Variants in SNED1 observed in about 807,000 individuals in gnomAD.
SNED1 encodes sushi, nidogen and EGF like domains 1, also known as sushi, nidogen and EGF-like domain-containing protein 1.
Under a neutral mutation model 166.7 loss-of-function variants are expected in SNED1, and 81 were observed. That is an observed-to-expected ratio of 0.49 (90% confidence interval 0.41 to 0.58). The LOEUF (loss-of-function observed/expected upper bound fraction) is 0.58, where lower values mean the gene tolerates loss of function less well. Among genes scored for constraint, SNED1 ranks in the 20% least tolerant of loss-of-function variants. SNED1 has a pLI of 0.00. For synonymous variants in SNED1, 762 were observed against 822.0 expected, an observed-to-expected ratio of 0.93 and a Z score of 1.25; for missense variants, 1,604 against 2,000.2, an observed-to-expected ratio of 0.80 and a Z score of 3.78.
chr2:241,050,088 A>C (rs754946561), intron 12 of SNED1, 155 bp downstream of exon 12: 3 of 701,118 alleles, frequency 4.3e-6, no homozygotes, highest in Non-Finnish European at 7.9e-6. Flanking sequence ...GTGTATTTAG[A>C]GGTGAGCACC....
intron 27 of SNED1, chr2:241,074,489 CT>C (rs1321937981): frequency 6.6e-6 from 1 of 152,182 alleles, no homozygotes; most frequent in East Asian, 1.9e-4. Context: ...ATGTCAGCCC[CT>C]TTAAATACCA....
In SNED1 at chr2:241,034,647, C is replaced by A; in HGVS notation, c.722C>A (p.Thr241Asn). The A allele has an allele frequency of 1.2e-6, 2 of 1,611,552 alleles. No individual in the cohort carries two copies. Among genetic ancestry groups the A allele is most frequent in the Non-Finnish European group, 1.7e-6 (2 of 1,179,370 alleles). The change falls in exon 4 of 32, where the codon ACC becomes AAC. Residue 241 changes from threonine to asparagine, a missense_variant. Thr to Asn is a moderately conservative substitution (Grantham distance 65). Coordinates refer to ENST00000310397, the MANE Select transcript of SNED1 (RefSeq NM_001080437.3). ...ACAGCAGACATGGCCGAGGTGGAGA[C>A]CACCACCAACGTGGGTGTGCCCGGG... ...SRTADMAEVE[T>N]TTNVGVPGRW...
chr2:241,032,665 G>A (rs976823990), intron 2 of SNED1, among the ~76,000 whole-genome samples: 1 of 152,276 alleles, frequency 6.6e-6, no homozygotes, highest in Admixed American at 6.5e-5. Context: ...AAAAGTGCTG[G>A]TTTCCTTGCA....
intron 2 of SNED1, among the ~76,000 whole-genome samples, chr2:241,030,855 C>T (rs2061145742): frequency 6.6e-6 from 1 of 152,184 alleles, no homozygotes. Flanking sequence ...TTGGAATGGC[C>T]CAGTACTCAA....
At position 240,998,678 on chromosome 2, in the gene SNED1, C is replaced by G. The variant is rs561513457; in HGVS notation, c.-160C>G. Among the ~76,000 whole-genome samples the G allele has an allele frequency of 9.4e-5, 14 of 149,384 alleles. No individual in the cohort carries two copies. The highest frequency in any genetic ancestry group is 3.0e-5 in the Non-Finnish European group (2 of 67,096). ...GCGGAGCTGCGGCGAGAGCGCGGCC[C>G]GGCCGAACGGGCGCGGGACGCGGAG... On this transcript the variant is annotated 5_prime_UTR_variant, in exon 1 of 32. Transcript: ENST00000310397.
rs1298618724 is a variant in SNED1 at position 241,072,337 on chromosome 2, AGGTGCCTTG to A, written c.3817+462_3817+470del. ...CGGTGGCAGCAAGGCTGATGGGCCC[AGGTGCCTTG>A]GGCCCTTCCCACCGGGTTTACTGGG... On this transcript the variant is annotated intron_variant, in intron 26 of 31. Coordinates refer to ENST00000310397, the MANE Select transcript of SNED1 (RefSeq NM_001080437.3). 1.7e-5 allele frequency: 7 copies of A among 404,390 alleles called. No individual in the cohort carries two copies. In the East Asian group the frequency reaches 2.8e-4, roughly 16 times the overall value. 25.1% of individuals were successfully genotyped at this position (404,390 alleles called of 1,614,324 possible).
chr2:241,001,547 G>A (rs1397403051), intron 1 of SNED1, among the ~76,000 whole-genome samples: 1 of 152,270 alleles, frequency 6.6e-6, no homozygotes, highest in South Asian at 2.1e-4. Context: ...CAGCCGAGGA[G>A]CGTGGCGCGC....
rs10664618 is a variant in SNED1, at chr2:241,024,235, C to CTTT, written c.214-6022_214-6020dup. ...GTGTAGTTGTATTTCACTCTACTAC[C>CTTT]TTTTTTTTTTTTTTTTTTTTTTTTT... is the stretch of plus-strand genomic sequence containing the variant. On this transcript the variant is annotated intron_variant, in intron 1 of 31. Transcript: ENST00000310397. Among the ~76,000 whole-genome samples, 391 of 46,948 alleles carry CTTT rather than the reference C, an allele frequency of 8.3e-3. 97 individuals carry two copies. The highest frequency in any genetic ancestry group is 0.013 in the Admixed American group (37 of 2,898). The allele number at this position is 46,948 out of a possible 152,430, so 30.8% of individuals were successfully genotyped here.
At chr2:241,009,096 C>T (rs535229107) in intron 1 of SNED1, among the ~76,000 whole-genome samples, 33 of 152,298 alleles carry the variant, frequency 2.2e-4, no homozygotes, top group African/African-American at 7.9e-4. Flanking sequence ...GAGTAAGACT[C>T]TCAGGTATGT....
At chr2:241,020,397 A>C (rs749662103) in intron 1 of SNED1, among the ~76,000 whole-genome samples, 11 of 152,316 alleles carry the variant, frequency 7.2e-5, no homozygotes, top group Non-Finnish European at 1.3e-4. Context: ...GCTTAGCCGG[A>C]CCATCCTTGA....
intron 3 of SNED1, 60 bp from the exon 4 acceptor site, chr2:241,034,508 C>G (rs2061284856): frequency 6.8e-7 from 1 of 1,472,774 alleles, no homozygotes; most frequent in Non-Finnish European, 9.2e-7. Flanking sequence ...GCAGGGTAAC[C>G]CCCACCTCTG....
At chr2:241,025,874 T>C (rs894337996) in intron 1 of SNED1, among the ~76,000 whole-genome samples, 1 of 152,138 alleles carries the variant, frequency 6.6e-6, no homozygotes. Context: ...ACCTGTTTTT[T>C]TCTTTTTAAG....
intron 16 of SNED1, among the ~76,000 whole-genome samples, chr2:241,057,412 TGCC>T (rs2062089553): frequency 8.5e-5 from 11 of 129,316 alleles, no homozygotes; most frequent in East Asian, 2.6e-4. Context: ...TATATATATA[TGCC>T]ATACGCAGTG....
rs751153981 is a variant in SNED1, at chr2:241,036,852, A to G, written c.868A>G (p.Thr290Ala). ...NGGKCIDDCV[T>A]GNPSYTCSCL... ...CGGCAAGTGCATCGACGACTGCGTC[A>G]CGGGCAACCCCTCCTACACCTGCTC... is the stretch of plus-strand genomic sequence containing the variant. Residue 290 changes from threonine to alanine, a missense_variant, in exon 5 of 32, where the codon ACG (threonine) becomes GCG (alanine). By Grantham distance (58) the Thr-to-Ala change is moderately conservative. Coordinates refer to ENST00000310397, the MANE Select transcript of SNED1 (RefSeq NM_001080437.3). The G allele has an allele frequency of 6.2e-7, 1 of 1,611,688 alleles. No homozygotes were observed. The highest frequency in any genetic ancestry group is 1.1e-5 in the South Asian group (1 of 91,072).
rs1482114138 is a variant in SNED1, at chr2:241,064,178, C to T, written c.2599+53C>T. On this transcript the variant is annotated intron_variant, in intron 19 of 31. Coordinates refer to ENST00000310397, the MANE Select transcript of SNED1 (RefSeq NM_001080437.3). This position sits in a 1 kb window ranked among gnomAD's most constrained non-coding sequence, Gnocchi z 7.0. ...GCCCTCTGCCCGCCTGCTCCCCGCCCTCTGCCCGCCTGCTGCCCGCCCTCT... is the reference window on the plus strand; with the variant it reads ...GCCCTCTGCCCGCCTGCTCCCCGCCTTCTGCCCGCCTGCTGCCCGCCCTCT... The T allele has an allele frequency of 3.2e-6, 4 of 1,267,836 alleles. No homozygotes were observed. In the East Asian group the frequency reaches 7.9e-5, roughly 25 times the overall value. The allele number at this position is 1,267,836 out of a possible 1,614,324, so 78.5% of individuals were successfully genotyped here. A position where few individuals can be genotyped will look rare whatever the true frequency, so the allele number is the denominator to read the frequency against.
At chr2:241,081,375 G>A (rs941957903) in intron 27 of SNED1, among the ~76,000 whole-genome samples, 1 of 152,134 alleles carries the variant, frequency 6.6e-6, no homozygotes, top group Non-Finnish European at 1.5e-5. Context: ...TGAAGGCCCC[G>A]CTCCTCCCTC....
Position 241,037,811 on chromosome 2 carries a change from C to T in SNED1, c.1045+458C>T, listed in dbSNP as rs149316710. Among the ~76,000 whole-genome samples, 732 of 152,338 alleles carry T rather than the reference C, an allele frequency of 4.8e-3. 7 individuals carry two copies. The highest frequency in any genetic ancestry group is 0.017 in the African/African-American group (687 of 41,578). Reference sequence around the variant, plus strand: ...AAGGGCACAGCCACACGGTCCCTGCCGCTCCCTGCGGCTGCTCCTGGACGC... The same window carrying T: ...AAGGGCACAGCCACACGGTCCCTGCTGCTCCCTGCGGCTGCTCCTGGACGC... On this transcript the variant is annotated intron_variant, in intron 6 of 31. Transcript: ENST00000310397.
At chr2:241,036,350 G>A (rs1021187788) in intron 4 of SNED1, among the ~76,000 whole-genome samples, 3 of 151,984 alleles carry the variant, frequency 2.0e-5, no homozygotes, top group African/African-American at 7.3e-5. Flanking sequence ...GAGGGACACA[G>A]CCCTCCTGCA....
chr2:241,064,812 C>G lies in SNED1; in HGVS notation c.2600-32C>G. ...TGGAGCAGGGACCCCTGGCCACGCCCCAACATACACTGCCACTTTTTCTCC... is the reference window on the plus strand; with the variant it reads ...TGGAGCAGGGACCCCTGGCCACGCCGCAACATACACTGCCACTTTTTCTCC... On this transcript the variant is annotated intron_variant, in intron 19 of 31. Coordinates refer to ENST00000310397, the MANE Select transcript of SNED1 (RefSeq NM_001080437.3). The surrounding 1 kb of genome is among the most constrained non-coding windows in gnomAD (Gnocchi z 7.0). 1 of 1,508,266 alleles carries G rather than the reference C, an allele frequency of 6.6e-7. No homozygotes were observed. Among genetic ancestry groups the G allele is most frequent in the Non-Finnish European group, 8.9e-7 (1 of 1,120,716 alleles). 93.4% of individuals were successfully genotyped at this position (1,508,266 alleles called of 1,614,324 possible).
Sources: gnomAD v4.1 joint callset for allele counts (sites outside exome capture counted in the v4.1 genomes callset) on GRCh38, gnomAD v4.1.1 for gene constraint, Gnocchi (gnomAD v3.1) non-coding constraint, MANE v1.5 for transcripts, NCBI Gene and HGNC (gene_info 2026-07-23, HGNC 2026-07-21) for gene names.